The following TTC27 variants were observed in gnomAD, a reference collection of about 807,000 sequenced individuals.
The protein encoded by TTC27 is tetratricopeptide repeat domain 27.
Under a neutral mutation model 115.9 loss-of-function variants are expected in TTC27, and 79 were observed. That is an observed-to-expected ratio of 0.68 (90% CI 0.57 to 0.82). TTC27 has a LOEUF of 0.82. Among genes scored for constraint, TTC27 ranks in the 40% least tolerant of loss-of-function variants. The pLI is 0.00. For missense variants in TTC27, 1,054 were observed against 993.1 expected (o/e 1.06, Z -0.82); for synonymous variants, 401 against 356.0 (o/e 1.13, Z -1.42).
rs1669494236 is a variant in TTC27 at position 32,762,874 on chromosome 2, T to TCA, written c.1680+4355_1680+4356insCA. Among the ~76,000 whole-genome samples the TCA allele has an allele frequency of 2.6e-5, 4 of 152,244 alleles. No homozygotes were observed. In the South Asian group the frequency reaches 8.3e-4, roughly 32 times the overall value. On this transcript the variant is annotated intron_variant, in intron 13 of 19. Transcript: ENST00000317907. ...TCAGGCTGGTCTTGAACTCCTGACC[T>TCA]TGTGATCCGCCCGCCTCGGTCTCCC...
At chr2:32,646,763 T>G (rs897720126) in intron 4 of TTC27, among the ~76,000 whole-genome samples, 1 of 151,134 alleles carries the variant, frequency 6.6e-6, no homozygotes, top group African/African-American at 2.4e-5. Context: ...TGGGATTTCA[T>G]TGTGTTGGCC....
chr2:32,683,443 A>G (rs997432738), intron 9 of TTC27, among the ~76,000 whole-genome samples: 1 of 152,228 alleles, frequency 6.6e-6, no homozygotes. Context: ...CCCAAAGTTT[A>G]CTAGAATGAT....
chr2:32,816,711 C>T (rs1456148857), intron 18 of TTC27, among the ~76,000 whole-genome samples: 1 of 152,184 alleles, frequency 6.6e-6, no homozygotes, highest in African/African-American at 2.4e-5. Context: ...GCGTTCTCTA[C>T]ATGAAGACAC....
chr2:32,661,387 C>T (rs924213111), intron 5 of TTC27, among the ~76,000 whole-genome samples: 1 of 152,144 alleles, frequency 6.6e-6, no homozygotes, highest in African/African-American at 2.4e-5. Context: ...CATATTGATT[C>T]TTCCTATCCA....
chr2:32,767,202 A>G (rs1428824247), intron 13 of TTC27, among the ~76,000 whole-genome samples: 1 of 152,188 alleles, frequency 6.6e-6, no homozygotes, highest in Non-Finnish European at 1.5e-5. Flanking sequence ...CACTTAAAAC[A>G]TCAGTAATAA....
intron 12 of TTC27, among the ~76,000 whole-genome samples, chr2:32,744,681 C>G (rs1041498560): frequency 2.0e-5 from 3 of 152,126 alleles, no homozygotes; most frequent in Non-Finnish European, 4.4e-5. Flanking sequence ...AAGAAACTCT[C>G]AAAATGTTAG....
chr2:32,780,993 TAGA>T (rs1204749526), intron 14 of TTC27, among the ~76,000 whole-genome samples: 2 of 152,206 alleles, frequency 1.3e-5, no homozygotes, highest in Admixed American at 6.5e-5. Context: ...AGGAGAAGGT[TAGA>T]AGTTTTATTA....
rs149074934 is a variant in TTC27 at position 32,820,913 on chromosome 2, G to T, written c.2507G>T (p.Ser836Ile). 9.5e-4 allele frequency: 1,444 copies of T among 1,525,838 alleles called. 1 individual carries two copies. The highest frequency in any genetic ancestry group is 1.2e-3 in the Non-Finnish European group (1,342 of 1,130,998). The allele number at this position is 1,525,838 out of a possible 1,614,324, so 94.5% of individuals were successfully genotyped here. ...TTAGTGACAGAGCTCCAAGACCTAAGCAACCAGTTTCGAAATCAGTATTGA... is the reference window on the plus strand; with the variant it reads ...TTAGTGACAGAGCTCCAAGACCTAATCAACCAGTTTCGAAATCAGTATTGA... ...DTLVTELQDLSNQFRNQY is the reference protein window; with the variant it reads ...DTLVTELQDLINQFRNQY Residue 836 changes from serine to isoleucine, a missense_variant, in exon 20 of 20, where the codon AGC becomes ATC. Coordinates refer to ENST00000317907, the MANE Select transcript of TTC27 (RefSeq NM_017735.5).
At chr2:32,630,028 G>A (rs1454336122) in intron 1 of TTC27, among the ~76,000 whole-genome samples, 4 of 152,164 alleles carry the variant, frequency 2.6e-5, no homozygotes, top group Non-Finnish European at 5.9e-5. Flanking sequence ...AGACTAACAA[G>A]TGGAGAAGAG....
At chr2:32,753,407 C>G (rs1477348865) in intron 12 of TTC27, among the ~76,000 whole-genome samples, 4 of 144,284 alleles carry the variant, frequency 2.8e-5, no homozygotes, top group African/African-American at 5.1e-5. Context: ...CTAAAGCATA[C>G]TCGGTTAATC....
At chr2:32,667,427 T>C (rs1665824189) in intron 7 of TTC27, among the ~76,000 whole-genome samples, 1 of 149,942 alleles carries the variant, frequency 6.7e-6, no homozygotes, top group African/African-American at 2.5e-5. Flanking sequence ...TTTTTTTTTT[T>C]TTTTTTTGAG....
At chr2:32,638,925 T>C (rs1446742717) in intron 3 of TTC27, among the ~76,000 whole-genome samples, 2 of 151,798 alleles carry the variant, frequency 1.3e-5, no homozygotes, top group Non-Finnish European at 2.9e-5. Context: ...CTCCACCTCC[T>C]GGGTTCACAA....
chr2:32,738,702 A>C (rs970413980), intron 12 of TTC27, among the ~76,000 whole-genome samples: 1 of 152,260 alleles, frequency 6.6e-6, no homozygotes, highest in South Asian at 2.1e-4. Context: ...TACAGAGAAA[A>C]AGACAGAACC....
At chr2:32,777,168 G>T (rs1436911943) in intron 13 of TTC27, among the ~76,000 whole-genome samples, 1 of 152,174 alleles carries the variant, frequency 6.6e-6, no homozygotes, top group Non-Finnish European at 1.5e-5. Context: ...GGGCAGTTTG[G>T]CTCTTGGTTA....
chr2:32,753,450 T>TTTTTG (rs1669087816), intron 12 of TTC27, among the ~76,000 whole-genome samples: 1 of 137,038 alleles, frequency 7.3e-6, no homozygotes, highest in Admixed American at 7.2e-5. Flanking sequence ...TTTTTTTTTT[T>TTTTTG]TTTTGGAGAC....
rs554809707 is a variant in TTC27 at position 32,740,315 on chromosome 2, T to G, written c.1452+3499T>G. 4.7e-4 allele frequency among the ~76,000 whole-genome samples: 71 copies of G among 152,348 alleles called. No individual in the cohort carries two copies. In the South Asian group the frequency reaches 0.014, roughly 31 times the overall value. ...GCTTCCCTGAGATTACATGGTCCTA[T>G]CTTTTATTATGCTACATTTGCAGAT... is the stretch of plus-strand genomic sequence containing the variant. On this transcript the variant is annotated intron_variant, in intron 12 of 19. Transcript: ENST00000317907.
At chr2:32,646,068 G>A (rs1452520806) in intron 4 of TTC27, among the ~76,000 whole-genome samples, 3 of 148,624 alleles carry the variant, frequency 2.0e-5, no homozygotes, top group South Asian at 2.1e-4. Context: ...TCGCTCTGTC[G>A]CCCAGGCTGG....
chr2:32,753,200 G>C (rs571848177), intron 12 of TTC27, among the ~76,000 whole-genome samples: 3 of 152,068 alleles, frequency 2.0e-5, no homozygotes, highest in African/African-American at 7.2e-5. Flanking sequence ...ACAGGGAGTA[G>C]GACTACTTAC....
chr2:32,648,039 C>T (rs1371920356), intron 4 of TTC27, among the ~76,000 whole-genome samples: 1 of 152,114 alleles, frequency 6.6e-6, no homozygotes, highest in African/African-American at 2.4e-5. Flanking sequence ...AGAGGAAGCT[C>T]TGGAGGAATG....
Sources: allele counts gnomAD v4.1 joint callset (sites outside exome capture counted in the v4.1 genomes callset), GRCh38; gene constraint gnomAD v4.1.1; transcripts MANE v1.5; gene names NCBI Gene and HGNC (gene_info 2026-07-23, HGNC 2026-07-21).